CD5L: variants seen among roughly 807,000 people sequenced by gnomAD.
CD5L encodes the protein CD5 molecule like, also known as CD5 antigen-like.
CD5L carries 39 observed loss-of-function variants against 40.8 expected under a neutral mutation model. That is an observed-to-expected ratio of 0.96 (90% CI 0.74 to 1.25). The LOEUF is 1.25. CD5L is among the 50% of genes most tolerant of loss of function. CD5L has a pLI of 0.00. For synonymous variants in CD5L, 192 were observed against 169.6 expected (o/e 1.13, Z -1.03); for missense variants, 433 against 435.9 (o/e 0.99, Z 0.06).
chr1:157,838,293 A>T (rs1442682453), intron 2 of CD5L, among the ~76,000 whole-genome samples: 1 of 152,232 alleles, frequency 6.6e-6, no homozygotes, highest in Non-Finnish European at 1.5e-5. Flanking sequence ...TAAGGCTTAT[A>T]GATCTGGGTA....
At position 157,834,409 on chromosome 1, in the gene CD5L, T is replaced by G; in HGVS notation, c.716A>C (p.Glu239Ala). Residue 239 changes from glutamate to alanine, a missense_variant and splice_region_variant, in exon 4 of 6, where the codon GAA becomes GCA. By Grantham distance (107) the Glu-to-Ala change is moderately radical. Coordinates refer to ENST00000368174, the MANE Select transcript of CD5L (RefSeq NM_005894.3). ...NHDEDTWVEC[E>A]DPFDLRLVGG... ...GTCTTTGGACGCACAGGCATTACCT[T>G]CACATTCGACCCACGTGTCTTCATC... 2 of 1,610,194 alleles carry G rather than the reference T, an allele frequency of 1.2e-6. No individual in the cohort carries two copies. The highest frequency in any genetic ancestry group is 1.7e-6 in the Non-Finnish European group (2 of 1,177,190).
At chr1:157,838,116 T>C (rs1656270159) in intron 2 of CD5L, among the ~76,000 whole-genome samples, 1 of 152,210 alleles carries the variant, frequency 6.6e-6, no homozygotes, top group African/African-American at 2.4e-5. Context: ...AGCTTATGTT[T>C]ATTTCATGCA....
intron 4 of CD5L, 129 bp from the exon 5 acceptor site, chr1:157,833,641 T>C: frequency 1.4e-6 from 1 of 740,688 alleles, no homozygotes; most frequent in Non-Finnish European, 2.1e-6. Context: ...CGTCTCACTC[T>C]GTTGCCCAGG....
At chr1:157,828,706 C>T (rs1187866424), downstream of CD5L, among the ~76,000 whole-genome samples, 1 of 152,194 alleles carries the variant, frequency 6.6e-6, no homozygotes, top group Non-Finnish European at 1.5e-5. Flanking sequence ...ACTAACCTTC[C>T]TCAGTCTCTC....
At chr1:157,829,281 A>G (rs1304231307), downstream of CD5L, among the ~76,000 whole-genome samples, 2 of 152,248 alleles carry the variant, frequency 1.3e-5, no homozygotes, top group African/African-American at 4.8e-5. Flanking sequence ...TTATAACCTG[A>G]TTTAAATTAC....
rs576976589 is a variant in CD5L, at chr1:157,841,722, A to G, written c.-21T>C. On this transcript the variant is annotated 5_prime_UTR_variant, in exon 1 of 6. Transcript: ENST00000368174. ...GCCATGACCAAGGCAGGTGAAGGTG[A>G]TGAGCTGAAATTTAAGGCTAGAAGG... is the stretch of plus-strand genomic sequence containing the variant. The G allele has an allele frequency of 1.2e-6, 2 of 1,611,808 alleles. No homozygotes were observed. Among genetic ancestry groups the G allele is most frequent in the South Asian group, 2.2e-5 (2 of 90,490 alleles).
chr1:157,827,733 C>T (rs1440181467), downstream of CD5L, among the ~76,000 whole-genome samples: 1 of 152,100 alleles, frequency 6.6e-6, no homozygotes, highest in African/African-American at 2.4e-5. Flanking sequence ...TATATGGATG[C>T]CCCATGACTC....
intron 3 of CD5L, 110 bp from the exon 4 acceptor site, chr1:157,834,858 G>A (rs2765501): frequency 0.37 from 274,835 of 740,606 alleles, 56,104 homozygotes; most frequent in Non-Finnish European, 0.41. Flanking sequence ...TACAAGGCAT[G>A]CTAAAGTGCT....
chr1:157,834,417 G>C lies in CD5L; in HGVS notation c.708C>G (p.Val236=), dbSNP rs770986368. The change falls in exon 4 of 6, where the codon GTC becomes GTG. Residue 236 remains valine, a synonymous_variant. Coordinates refer to ENST00000368174, the MANE Select transcript of CD5L (RefSeq NM_005894.3). ...NTCNHDEDTW[V]ECEDPFDLRL... Reference sequence around the variant, plus strand: ...ACGCACAGGCATTACCTTCACATTCGACCCACGTGTCTTCATCATGGTTGC... The same window carrying C: ...ACGCACAGGCATTACCTTCACATTCCACCCACGTGTCTTCATCATGGTTGC... The C allele has an allele frequency of 1.9e-6, 3 of 1,611,126 alleles. No homozygotes were observed. Among genetic ancestry groups the C allele is most frequent in the South Asian group, 1.1e-5 (1 of 90,882 alleles).
chr1:157,840,065 C>G lies in CD5L; in HGVS notation c.29-655G>C, dbSNP rs545283587. 5.3e-5 allele frequency among the ~76,000 whole-genome samples: 8 copies of G among 152,278 alleles called. No individual in the cohort carries two copies. In the South Asian group the frequency reaches 1.2e-3, roughly 24 times the overall value. On this transcript the variant is annotated intron_variant, in intron 1 of 5. Transcript: ENST00000368174. ...AGACACTGAAATTTAAATTTTTTGT[C>G]ATTTTCATGTGTCATAAAATAGTAT...
chr1:157,829,159 G>A (rs1655980926), downstream of CD5L, among the ~76,000 whole-genome samples: 1 of 152,242 alleles, frequency 6.6e-6, no homozygotes, highest in South Asian at 2.1e-4. Flanking sequence ...AGCATGAGAT[G>A]AGGTTGGAGG....
At chr1:157,840,768 G>C (rs773681337) in intron 1 of CD5L, among the ~76,000 whole-genome samples, 2 of 152,176 alleles carry the variant, frequency 1.3e-5, no homozygotes, top group African/African-American at 4.8e-5. Flanking sequence ...GGCCAGAAAG[G>C]CTTCATGAAG....
chr1:157,830,210 G>T (rs75965541), downstream of CD5L, among the ~76,000 whole-genome samples: 3,731 of 152,216 alleles, frequency 0.025, 264 homozygotes, highest in East Asian at 0.17. Context: ...TCTGAATAAT[G>T]CAGGGTAAAC....
At position 157,831,865 on chromosome 1, in the gene CD5L, A is replaced by G; in HGVS notation, c.*99T>C. 1 of 1,479,018 alleles carries G rather than the reference A, an allele frequency of 6.8e-7. No individual in the cohort carries two copies. The highest frequency in any genetic ancestry group is 8.9e-7 in the Non-Finnish European group (1 of 1,119,348). 91.6% of individuals were successfully genotyped at this position (1,479,018 alleles called of 1,614,324 possible). A position where few individuals can be genotyped will look rare whatever the true frequency, so the allele number is the denominator to read the frequency against. On this transcript the variant is annotated 3_prime_UTR_variant, in exon 6 of 6. Transcript: ENST00000368174. ...GAGGGGATGAGGGAGTAGTGGCTCA[A>G]GCCTGAGCCCCAGAATGAGTATGAG...
rs1656195911 is a variant in CD5L at position 157,835,835 on chromosome 1, T to TCTC, written c.373_375dup (p.Glu125dup). 7 of 1,608,172 alleles carry TCTC rather than the reference T, an allele frequency of 4.4e-6. No individual in the cohort carries two copies. Among genetic ancestry groups the TCTC allele is most frequent in the Non-Finnish European group, 5.9e-6 (7 of 1,177,422 alleles). On this transcript the variant is annotated inframe_insertion and splice_region_variant, in exon 3 of 6. Transcript: ENST00000368174. ...GGTCCGGGACCCCTGCCATACTCAC[T>TCTC]CTCACACGATGCCCCAGCATCTTCA...
chr1:157,828,872 G>A (rs1655972021), downstream of CD5L, among the ~76,000 whole-genome samples: 1 of 152,202 alleles, frequency 6.6e-6, no homozygotes, highest in Non-Finnish European at 1.5e-5. Flanking sequence ...TCTTGGGACT[G>A]AAGTCCTGTA....
At chr1:157,829,554 T>C (rs939825333), downstream of CD5L, among the ~76,000 whole-genome samples, 9 of 152,230 alleles carry the variant, frequency 5.9e-5, no homozygotes, top group South Asian at 4.1e-4. Flanking sequence ...CTTGGAGTAA[T>C]AGAAATAGAA....
chr1:157,838,727 C>T (rs990013042), intron 2 of CD5L, among the ~76,000 whole-genome samples: 1 of 152,076 alleles, frequency 6.6e-6, no homozygotes, highest in African/African-American at 2.4e-5. Flanking sequence ...GTATAGGATT[C>T]TCCACACCAA....
At chr1:157,832,703 A>C (rs1488397450) in intron 5 of CD5L, among the ~76,000 whole-genome samples, 1 of 152,174 alleles carries the variant, frequency 6.6e-6, no homozygotes, top group Non-Finnish European at 1.5e-5. Flanking sequence ...TGACAAATGG[A>C]ATGAGGTAGA....
Sources: gnomAD v4.1 joint callset for allele counts (sites outside exome capture counted in the v4.1 genomes callset) on GRCh38, gnomAD v4.1.1 for gene constraint, MANE v1.5 for transcripts, NCBI Gene and HGNC (gene_info 2026-07-23, HGNC 2026-07-21) for gene names.